EPHB2: variants seen among roughly 807,000 people sequenced by gnomAD.
The protein encoded by EPHB2 is EPH receptor B2, also known as ephrin type-B receptor 2.
Under a neutral mutation model 96.4 loss-of-function variants are expected in EPHB2, and 18 were observed. The ratio of observed to expected loss-of-function variants is 0.19; its 90% CI spans 0.13 to 0.28. The LOEUF (loss-of-function observed/expected upper bound fraction) is 0.28. EPHB2 is among the 10% of genes least tolerant of loss of function. The probability of loss-of-function intolerance (pLI) is 1.00; values close to 1 mark genes in which losing one functional copy is unlikely to be tolerated. For missense variants in EPHB2, 989 were observed against 1,355.4 expected, an observed-to-expected ratio of 0.73 and a Z score of 4.25; for synonymous variants, 506 against 534.1, an observed-to-expected ratio of 0.95 and a Z score of 0.72.
intron 6 of EPHB2, chr1:22,891,158 C>A: frequency 4.4e-6 from 2 of 456,046 alleles, no homozygotes; most frequent in Middle Eastern, 6.5e-4. Context: ...AAGGAACTTG[C>A]CCAAGGTCAC....
At chr1:22,773,975 C>T (rs1251668903) in intron 1 of EPHB2, among the ~76,000 whole-genome samples, 1 of 152,238 alleles carries the variant, frequency 6.6e-6, no homozygotes, top group Non-Finnish European at 1.5e-5. Context: ...AAATAGTTAA[C>T]GATGAAATGG....
In EPHB2 at chr1:22,920,056, C is replaced by A. The variant is rs758632544; in HGVS notation, c.*6486C>A. ...AAACAGATACTAAGAAAAGCTCCAT[C>A]CCTTGGATCTGAGTTACAGATGCAC... is the stretch of plus-strand genomic sequence containing the variant. On this transcript the variant is annotated 3_prime_UTR_variant, in exon 16 of 16. Transcript: ENST00000374630. The A allele has an allele frequency of 2.0e-5, 3 of 152,078 alleles. No homozygotes were observed. Among genetic ancestry groups the A allele is most frequent in the Admixed American group, 6.5e-5 (1 of 15,274 alleles). The allele number at this position is 152,078 out of a possible 1,614,324, so 9.4% of individuals were successfully genotyped here.
chr1:22,843,118 G>T (rs1053212046), intron 3 of EPHB2, among the ~76,000 whole-genome samples: 1 of 152,148 alleles, frequency 6.6e-6, no homozygotes, highest in Non-Finnish European at 1.5e-5. Flanking sequence ...GGAGAAATAG[G>T]TAATACTAAT....
At chr1:22,834,050 T>TA (rs1645344851) in intron 3 of EPHB2, among the ~76,000 whole-genome samples, 2 of 6,526 alleles carry the variant, frequency 3.1e-4, no homozygotes, top group Middle Eastern at 0.25. Flanking sequence ...TCAAAACACT[T>TA]TAAAAAAAAA....
intron 1 of EPHB2, among the ~76,000 whole-genome samples, chr1:22,725,473 C>T (rs1022660606): frequency 6.6e-6 from 1 of 152,024 alleles, no homozygotes; most frequent in Admixed American, 6.6e-5. Context: ...GATAAATAAA[C>T]AAACACCAAA....
intron 1 of EPHB2, among the ~76,000 whole-genome samples, chr1:22,749,669 G>A (rs1644032654): frequency 6.6e-6 from 1 of 152,156 alleles, no homozygotes; most frequent in Admixed American, 6.5e-5. Context: ...ATGGAGAGGG[G>A]AAGGATGCTG....
chr1:22,760,703 T>C (rs1308161247), intron 1 of EPHB2, among the ~76,000 whole-genome samples: 2 of 152,138 alleles, frequency 1.3e-5, no homozygotes, highest in African/African-American at 4.8e-5. Context: ...CCCCAAGGCC[T>C]GTGTGAGTCA....
intron 5 of EPHB2, among the ~76,000 whole-genome samples, chr1:22,870,248 G>A (rs756298837): frequency 8.5e-5 from 13 of 152,176 alleles, no homozygotes; most frequent in Non-Finnish European, 1.3e-4. Flanking sequence ...CCATCATGCC[G>A]CCTTTGAACC....
chr1:22,721,780 A>ATTTTT (rs555671339), intron 1 of EPHB2, among the ~76,000 whole-genome samples: 1 of 141,152 alleles, frequency 7.1e-6, no homozygotes, highest in African/African-American at 2.6e-5. Flanking sequence ...CGCATCCAGC[A>ATTTTT]TTTTTTTTTT....
Position 22,882,475 on chromosome 1 carries a change from T to G in EPHB2, c.1420T>G (p.Tyr474Asp). The G allele has an allele frequency of 6.2e-7, 1 of 1,613,974 alleles. No individual in the cohort carries two copies. Among genetic ancestry groups the G allele is most frequent in the South Asian group, 1.1e-5 (1 of 91,074 alleles). ...GVILDYELQY[Y>D]EKELSEYNAT... The stretch of plus-strand genomic sequence containing the variant: ...GATCCTGGACTATGAGCTGCAGTAC[T>G]ATGAGAAGGTACCTATTGGCTGGGT... The change falls in exon 6 of 16, where the codon TAT becomes GAT. Residue 474 changes from tyrosine (Y) to aspartate (D), a missense_variant. Tyr to Asp is a radical substitution (Grantham distance 160, BLOSUM62 -3). Coordinates refer to ENST00000374630, the MANE Select transcript of EPHB2 (RefSeq NM_017449.5).
intron 8 of EPHB2, 83 bp from the exon 9 acceptor site, chr1:22,896,331 C>A: frequency 6.3e-7 from 1 of 1,587,758 alleles, no homozygotes; most frequent in Non-Finnish European, 8.6e-7. Flanking sequence ...AGGGCCTGCC[C>A]ACCCTCTCCC....
intron 3 of EPHB2, among the ~76,000 whole-genome samples, chr1:22,805,357 G>A (rs1306141980): frequency 3.3e-5 from 5 of 152,098 alleles, no homozygotes; most frequent in South Asian, 2.1e-4. Flanking sequence ...TAAATTAAAC[G>A]AGGGGCTGCC....
At chr1:22,859,081 T>C (rs1437266866) in intron 3 of EPHB2, among the ~76,000 whole-genome samples, 3 of 152,088 alleles carry the variant, frequency 2.0e-5, no homozygotes, top group Admixed American at 2.0e-4. Flanking sequence ...GAGGTTGCAA[T>C]GAGCCAAGAT....
At chr1:22,867,995 G>A (rs1214169233) in intron 5 of EPHB2, among the ~76,000 whole-genome samples, 1 of 152,252 alleles carries the variant, frequency 6.6e-6, no homozygotes, top group African/African-American at 2.4e-5. Context: ...CCCCCAAAGG[G>A]GGTGGTGGAG....
intron 3 of EPHB2, among the ~76,000 whole-genome samples, chr1:22,803,715 G>GTA (rs1330067015): frequency 1.4e-5 from 2 of 147,754 alleles, no homozygotes; most frequent in South Asian, 2.1e-4. Flanking sequence ...ATGTATATGT[G>GTA]TATATATATG....
chr1:22,821,147 A>G (rs1333047501), intron 3 of EPHB2, among the ~76,000 whole-genome samples: 1 of 152,216 alleles, frequency 6.6e-6, no homozygotes, highest in Non-Finnish European at 1.5e-5. Context: ...GCCAGGAGGA[A>G]AGAGGAAGCG....
At position 22,846,929 on chromosome 1, in the gene EPHB2, T is replaced by C. The variant is rs1374922668; in HGVS notation, c.812-16108T>C. Among the ~76,000 whole-genome samples the C allele has an allele frequency of 6.6e-6, 1 of 152,194 alleles. No homozygotes were observed. The highest frequency in any genetic ancestry group is 1.5e-5 in the Non-Finnish European group (1 of 68,034). On this transcript the variant is annotated intron_variant, in intron 3 of 15. Coordinates refer to ENST00000374630, the MANE Select transcript of EPHB2 (RefSeq NM_017449.5). This position sits in a 1 kb window ranked among gnomAD's most constrained non-coding sequence, Gnocchi z 4.3. The stretch of plus-strand genomic sequence containing the variant: ...TCTTCCCCACCAGGCTGGGAGCCCC[T>C]TGAGCTGTGGATCCCTAAGCCCAGC...
In EPHB2 at chr1:22,733,642, G is replaced by A. The variant is rs1643763046; in HGVS notation, c.61+22599G>A. On this transcript the variant is annotated intron_variant, in intron 1 of 15. Transcript: ENST00000374630. The surrounding 1 kb of genome is among the most constrained non-coding windows in gnomAD (Gnocchi z 4.6). ...ATTATTTTTGTTTTAGAGGAAAACTGAATCTCTGAGAGGTTCAGTAAATTG... is the reference window on the plus strand; with the variant it reads ...ATTATTTTTGTTTTAGAGGAAAACTAAATCTCTGAGAGGTTCAGTAAATTG... Among the ~76,000 whole-genome samples, 1 of 152,202 alleles carries A rather than the reference G, an allele frequency of 6.6e-6. No homozygotes were observed. The highest frequency in any genetic ancestry group is 1.5e-5 in the Non-Finnish European group (1 of 68,042).
chr1:22,806,165 A>G (rs1351427204), intron 3 of EPHB2, among the ~76,000 whole-genome samples: 3 of 152,252 alleles, frequency 2.0e-5, no homozygotes, highest in East Asian at 3.8e-4. Flanking sequence ...GAAAGAATGA[A>G]TAATAGCCAT....
Sources: allele counts gnomAD v4.1 joint callset (sites outside exome capture counted in the v4.1 genomes callset), GRCh38; gene constraint gnomAD v4.1.1; non-coding constraint Gnocchi (gnomAD v3.1); transcripts MANE v1.5; gene names NCBI Gene and HGNC (gene_info 2026-07-23, HGNC 2026-07-21).